The following GRIP1 variants were observed in gnomAD, a reference collection of about 807,000 sequenced individuals.
GRIP1 encodes the protein glutamate receptor interacting protein 1, also known as glutamate receptor-interacting protein 1.
Under a neutral mutation model 129.9 loss-of-function variants are expected in GRIP1, and 45 were observed. The observed-to-expected ratio is 0.35, with a 90% CI of 0.27 to 0.44. The LOEUF is 0.44. Ranked by LOEUF, GRIP1 falls within the 20% of genes least tolerant of loss-of-function variation. GRIP1 has a pLI of 1.00. For missense variants in GRIP1, 1,196 were observed against 1,396.8 expected, an observed-to-expected ratio of 0.86 and a Z score of 2.29; for synonymous variants, 530 against 520.8, an observed-to-expected ratio of 1.02 and a Z score of -0.24.
At chr12:66,529,962 A>G in intron 4 of GRIP1, 48 bp from the exon 5 acceptor site, 1 of 1,142,282 alleles carries the variant, frequency 8.8e-7, no homozygotes, top group Non-Finnish European at 1.3e-6. Context: ...AGTCATCATA[A>G]CATTTCTAAA....
chr12:66,544,542 A>ATCT (rs1395955886), intron 2 of GRIP1, among the ~76,000 whole-genome samples: 2 of 152,208 alleles, frequency 1.3e-5, no homozygotes, highest in Non-Finnish European at 2.9e-5. Context: ...TTTGTCTTCT[A>ATCT]GCCAATCTGC....
chr12:66,992,779 A>G (rs1370822935), intron 1 of GRIP1, among the ~76,000 whole-genome samples: 2 of 152,226 alleles, frequency 1.3e-5, no homozygotes, highest in African/African-American at 2.4e-5. Context: ...AAATTCACAA[A>G]TATGTGGAAA....
chr12:66,773,758 G>A (rs967750172), intron 1 of GRIP1, among the ~76,000 whole-genome samples: 1 of 152,160 alleles, frequency 6.6e-6, no homozygotes, highest in Non-Finnish European at 1.5e-5. Context: ...TTGTTTTGTG[G>A]GGATGGGGGT....
intron 1 of GRIP1, among the ~76,000 whole-genome samples, chr12:66,606,264 G>T (rs2064522275): frequency 6.6e-6 from 1 of 152,140 alleles, no homozygotes. Flanking sequence ...GTCGATGGCA[G>T]GAAAAGTAAA....
intron 1 of GRIP1, among the ~76,000 whole-genome samples, chr12:66,830,698 C>A (rs1039133769): frequency 1.3e-5 from 2 of 152,066 alleles, no homozygotes; most frequent in African/African-American, 4.8e-5. Context: ...TCATTATCAT[C>A]CCCATTTTAC....
intron 1 of GRIP1, among the ~76,000 whole-genome samples, chr12:66,675,779 G>GA (rs1472195994): frequency 6.6e-6 from 1 of 152,206 alleles, no homozygotes; most frequent in Non-Finnish European, 1.5e-5. Flanking sequence ...TATTAGATGG[G>GA]AAACGGAATG....
chr12:66,379,513 G>C, intron 19 of GRIP1, 77 bp from the exon 20 acceptor site: 2 of 1,415,204 alleles, frequency 1.4e-6, no homozygotes, highest in Non-Finnish European at 2.0e-6. Context: ...TTAACCAGTA[G>C]AGGAGTCAAA....
At chr12:66,931,777 AT>A (rs570129603) in intron 1 of GRIP1, among the ~76,000 whole-genome samples, 5 of 152,276 alleles carry the variant, frequency 3.3e-5, no homozygotes, top group South Asian at 2.1e-4. Context: ...AGATTCCGTG[AT>A]TTTTTTAACA....
At chr12:66,812,807 T>C (rs2039128984) in intron 1 of GRIP1, among the ~76,000 whole-genome samples, 2 of 152,254 alleles carry the variant, frequency 1.3e-5, no homozygotes, top group Admixed American at 1.3e-4. Flanking sequence ...ATTTTGGTGT[T>C]TGACATACTT....
intron 1 of GRIP1, among the ~76,000 whole-genome samples, chr12:66,821,308 G>A (rs545871974): frequency 6.6e-6 from 1 of 152,246 alleles, no homozygotes; most frequent in African/African-American, 2.4e-5. Flanking sequence ...TACCATTAAT[G>A]AGTGCTATGA....
chr12:66,752,834 TA>T (rs199890520), intron 1 of GRIP1, among the ~76,000 whole-genome samples: 3 of 151,924 alleles, frequency 2.0e-5, no homozygotes, highest in Admixed American at 6.6e-5. Flanking sequence ...ATAATCTTAC[TA>T]AAAAAAATAA....
intron 19 of GRIP1, among the ~76,000 whole-genome samples, chr12:66,383,742 C>T (rs1199010695): frequency 1.3e-5 from 2 of 152,230 alleles, no homozygotes; most frequent in Admixed American, 1.3e-4. Context: ...TCATTCTCTT[C>T]TTCGTCCTTA....
Position 66,371,817 on chromosome 12 carries a change from G to A in GRIP1, c.2889C>T (p.His963=). 1.2e-6 allele frequency: 2 copies of A among 1,613,872 alleles called. No individual in the cohort carries two copies. The highest frequency in any genetic ancestry group is 1.7e-6 in the Non-Finnish European group (2 of 1,179,758). ...SFQERSSSRP[H]YSQTTRSNTL... ...TGTTGCTCCGAGTTGTTTGGCTGTA[G>A]TGCGGCCGCGAGCTGCTGCGCTCCT... Residue 963 remains histidine, a synonymous_variant, in exon 23 of 25, where the codon CAC becomes CAT. Coordinates refer to ENST00000359742, the MANE Select transcript of GRIP1 (RefSeq NM_001366722.1).
At chr12:66,716,899 T>C (rs12298071) in intron 1 of GRIP1, among the ~76,000 whole-genome samples, 2 of 152,090 alleles carry the variant, frequency 1.3e-5, no homozygotes, top group Middle Eastern at 6.8e-3. Flanking sequence ...TTGTTCTGAG[T>C]ACTCTAGTTC....
intron 1 of GRIP1, among the ~76,000 whole-genome samples, chr12:66,857,968 G>A (rs1008003999): frequency 1.3e-5 from 2 of 151,976 alleles, no homozygotes; most frequent in African/African-American, 4.8e-5. Flanking sequence ...GCACCTTGGA[G>A]GCTTTTGGTA....
chr12:66,745,546 C>T (rs183836933), intron 1 of GRIP1, among the ~76,000 whole-genome samples: 18 of 152,228 alleles, frequency 1.2e-4, no homozygotes, highest in Admixed American at 2.0e-4. Flanking sequence ...AGCAAATACA[C>T]GCATGAAAGA....
chr12:66,644,745 A>G (rs906581231), intron 1 of GRIP1, among the ~76,000 whole-genome samples: 7 of 152,190 alleles, frequency 4.6e-5, no homozygotes, highest in African/African-American at 2.4e-5. Context: ...TCATTTACTC[A>G]TTTAATTCTG....
chr12:66,493,742 T>G (rs1168780948), intron 7 of GRIP1, among the ~76,000 whole-genome samples: 1 of 152,230 alleles, frequency 6.6e-6, no homozygotes, highest in East Asian at 1.9e-4. Context: ...AGTTAACAGA[T>G]TGTTTCATTT....
chr12:66,833,491 G>A (rs1279183289), intron 1 of GRIP1, among the ~76,000 whole-genome samples: 3 of 152,118 alleles, frequency 2.0e-5, no homozygotes, highest in East Asian at 3.9e-4. Context: ...TACTCATGGG[G>A]TCTGCCTTTC....
Sources: allele counts gnomAD v4.1 joint callset (sites outside exome capture counted in the v4.1 genomes callset), GRCh38; gene constraint gnomAD v4.1.1; transcripts MANE v1.5; gene names NCBI Gene and HGNC (gene_info 2026-07-23, HGNC 2026-07-21).